Variants in ADK observed in about 807,000 individuals in gnomAD.
ADK encodes the protein adenosine kinase, also known as N6,N6-dimethyladenosine kinase.
Under a neutral mutation model 44.7 loss-of-function variants are expected in ADK, and 24 were observed. That is an observed-to-expected ratio of 0.54 (90% CI 0.39 to 0.76). The LOEUF is 0.76. Ranked by LOEUF, ADK falls within the 30% of genes least tolerant of loss-of-function variation. The pLI, the probability that ADK is intolerant of heterozygous loss-of-function variation, is 0.00. For missense variants in ADK, 321 were observed against 425.1 expected (o/e 0.76, Z 2.15); for synonymous variants, 128 against 142.6 (o/e 0.90, Z 0.73).
At chr10:74,394,684 CGA>C (rs368668478) in intron 5 of ADK, among the ~76,000 whole-genome samples, 3 of 151,640 alleles carry the variant, frequency 2.0e-5, no homozygotes, top group African/African-American at 4.8e-5. Flanking sequence ...GGTTGGAATA[CGA>C]GAGAGAGAGA....
intron 9 of ADK, among the ~76,000 whole-genome samples, chr10:74,665,414 T>C (rs193190684): frequency 6.6e-6 from 1 of 152,242 alleles, no homozygotes; most frequent in African/African-American, 2.4e-5. Flanking sequence ...TCAGAGGCAG[T>C]GGCAGGGGTA....
intron 1 of ADK, among the ~76,000 whole-genome samples, chr10:74,168,652 G>T (rs1842092101): frequency 6.6e-6 from 1 of 151,214 alleles, no homozygotes; most frequent in Non-Finnish European, 1.5e-5. Flanking sequence ...TCTCTGTGTC[G>T]CCCAGGCTGT....
At chr10:74,175,485 TAAA>T (rs1842299865) in intron 1 of ADK, among the ~76,000 whole-genome samples, 1 of 152,156 alleles carries the variant, frequency 6.6e-6, no homozygotes, top group African/African-American at 2.4e-5. Context: ...TTAAATAAAT[TAAA>T]AATTAAGTTC....
intron 3 of ADK, among the ~76,000 whole-genome samples, chr10:74,245,793 A>G (rs1191288086): frequency 4.0e-5 from 6 of 151,834 alleles, no homozygotes. Context: ...GTTTCACCAT[A>G]TTGGTCAGGC....
intron 6 of ADK, among the ~76,000 whole-genome samples, chr10:74,468,954 T>G (rs1353249909): frequency 6.6e-6 from 1 of 151,984 alleles, no homozygotes; most frequent in African/African-American, 2.4e-5. Flanking sequence ...AAGGGGTGTG[T>G]GTGTATGTGC....
intron 3 of ADK, among the ~76,000 whole-genome samples, chr10:74,246,267 A>G (rs1356145158): frequency 6.6e-6 from 1 of 152,234 alleles, no homozygotes; most frequent in African/African-American, 2.4e-5. Flanking sequence ...ATACCATGCC[A>G]TACTGATTGA....
intron 7 of ADK, among the ~76,000 whole-genome samples, chr10:74,554,062 T>C (rs1271175779): frequency 6.6e-6 from 1 of 152,220 alleles, no homozygotes; most frequent in Admixed American, 6.5e-5. Flanking sequence ...TTATTGCATA[T>C]GCTTTTATAT....
intron 4 of ADK, among the ~76,000 whole-genome samples, chr10:74,341,416 C>A (rs1484439291): frequency 1.3e-5 from 2 of 150,974 alleles, no homozygotes; most frequent in Non-Finnish European, 2.9e-5. Context: ...ATCCTAGCTA[C>A]TCGGGAGGCT....
intron 4 of ADK, among the ~76,000 whole-genome samples, chr10:74,340,777 A>G (rs1397326517): frequency 1.3e-5 from 2 of 152,190 alleles, no homozygotes; most frequent in South Asian, 2.1e-4. Context: ...TTAATTGTCT[A>G]TATAGCATGC....
At chr10:74,320,754 TTTTCTCTCATCCTG>T (rs1840780592) in intron 4 of ADK, among the ~76,000 whole-genome samples, 1 of 152,152 alleles carries the variant, frequency 6.6e-6, no homozygotes, top group Non-Finnish European at 1.5e-5. Context: ...TACCGGAGAT[TTTTCTCTCATCCTG>T]AGAAAACTTC....
chr10:74,695,921 C>G (rs1174276774), intron 10 of ADK, among the ~76,000 whole-genome samples: 1 of 151,988 alleles, frequency 6.6e-6, no homozygotes. Flanking sequence ...ATTACAGGCA[C>G]AAACTACTGC....
At chr10:74,204,566 C>A (rs992210177) in intron 2 of ADK, among the ~76,000 whole-genome samples, 6 of 152,002 alleles carry the variant, frequency 3.9e-5, no homozygotes, top group African/African-American at 1.5e-4. Flanking sequence ...AGGAAATGTG[C>A]TGGGGGTCTA....
At chr10:74,383,050 A>C (rs778505171) in intron 4 of ADK, among the ~76,000 whole-genome samples, 4 of 152,072 alleles carry the variant, frequency 2.6e-5, no homozygotes, top group Non-Finnish European at 4.4e-5. Flanking sequence ...ACTCCTTCTT[A>C]GTATTCTAGA....
rs184987004 is a variant in ADK at position 74,619,571 on chromosome 10, C to G, written c.877+19078C>G. ...GTAGTATAATCCTCTACCTTGTCAT[C>G]TATTTTTTTCTAACATATTAATCAT... is the stretch of plus-strand genomic sequence containing the variant. On this transcript the variant is annotated intron_variant, in intron 9 of 10. Transcript: ENST00000539909. Among the ~76,000 whole-genome samples, 764 of 152,172 alleles carry G rather than the reference C, an allele frequency of 5.0e-3. 7 individuals are homozygous for G. The highest frequency in any genetic ancestry group is 0.017 in the African/African-American group (726 of 41,520).
intron 1 of ADK, among the ~76,000 whole-genome samples, chr10:74,183,550 G>A (rs1188477040): frequency 1.3e-5 from 2 of 150,624 alleles, no homozygotes; most frequent in Non-Finnish European, 2.9e-5. Context: ...TGCTCTTGCT[G>A]CCCAGGCTGG....
chr10:74,686,459 A>G (rs1021466711), intron 10 of ADK, among the ~76,000 whole-genome samples: 2 of 152,132 alleles, frequency 1.3e-5, no homozygotes, highest in Non-Finnish European at 2.9e-5. Flanking sequence ...TTCATGCAGC[A>G]TTTGGCTAGC....
At chr10:74,579,754 C>T (rs1851314846) in intron 7 of ADK, among the ~76,000 whole-genome samples, 1 of 152,028 alleles carries the variant, frequency 6.6e-6, no homozygotes, top group Non-Finnish European at 1.5e-5. Context: ...GCAGAGGGCT[C>T]CCCTTGATTT....
intron 1 of ADK, among the ~76,000 whole-genome samples, chr10:74,166,912 C>T (rs1842051353): frequency 1.3e-5 from 2 of 152,110 alleles, no homozygotes; most frequent in Non-Finnish European, 2.9e-5. Flanking sequence ...GGGATAAGGA[C>T]ACCTGAGTCC....
At chr10:74,197,587 C>G (rs1843207394) in intron 1 of ADK, among the ~76,000 whole-genome samples, 1 of 151,706 alleles carries the variant, frequency 6.6e-6, no homozygotes, top group Non-Finnish European at 1.5e-5. Flanking sequence ...GTAATCCCAG[C>G]TACTCAGCAG....
Sources: gnomAD v4.1 joint callset for allele counts (sites outside exome capture counted in the v4.1 genomes callset) on GRCh38, gnomAD v4.1.1 for gene constraint, MANE v1.5 for transcripts, NCBI Gene and HGNC (gene_info 2026-07-23, HGNC 2026-07-21) for gene names.